Variants in HSD17B12 observed in about 807,000 individuals in gnomAD.
The protein encoded by HSD17B12 is hydroxysteroid 17-beta dehydrogenase 12.
HSD17B12 carries 32 observed loss-of-function variants against 39.3 expected under a neutral mutation model. The observed-to-expected ratio is 0.81, with a 90% confidence interval of 0.61 to 1.09. The LOEUF (loss-of-function observed/expected upper bound fraction) is 1.09, where lower values mean the gene tolerates loss of function less well. Ranked by LOEUF, HSD17B12 falls within the 50% of genes least tolerant of loss-of-function variation. HSD17B12 has a pLI of 0.00. For missense variants in HSD17B12, 342 were observed against 382.9 expected (o/e 0.89, Z 0.89); for synonymous variants, 150 against 146.7 (o/e 1.02, Z -0.16).
At chr11:43,769,863 C>A (rs944103383) in intron 3 of HSD17B12, among the ~76,000 whole-genome samples, 1 of 152,324 alleles carries the variant, frequency 6.6e-6, no homozygotes, top group African/African-American at 2.4e-5. Context: ...TTGCTTTGAT[C>A]AGTTTTGTAA....
In HSD17B12 at chr11:43,758,782, A is replaced by G. The variant is rs545046105; in HGVS notation, c.283+4661A>G. Among the ~76,000 whole-genome samples, 14 of 152,262 alleles carry G rather than the reference A, an allele frequency of 9.2e-5. 1 individual carries two copies. Among genetic ancestry groups the G allele is most frequent in the Middle Eastern group, 3.4e-3 (1 of 294 alleles). On this transcript the variant is annotated intron_variant, in intron 3 of 10. Transcript: ENST00000278353. ...AAATGTAGCCACCATTTGGTCCCTC[A>G]AGGCACTTCTCCAGTGGGTACTTCA...
chr11:43,776,643 C>A (rs889637376), intron 3 of HSD17B12, among the ~76,000 whole-genome samples: 14 of 152,148 alleles, frequency 9.2e-5, no homozygotes, highest in Non-Finnish European at 1.2e-4. Flanking sequence ...GCTTTTATTG[C>A]CATTGCTTTT....
At chr11:43,734,359 T>G in intron 1 of HSD17B12, 1 of 943,226 alleles carries the variant, frequency 1.1e-6, no homozygotes, top group Non-Finnish European at 1.7e-6. Flanking sequence ...TGGAAAAGGC[T>G]GAGCAGAGGA....
At chr11:43,800,746 G>A (rs1310904840) in intron 4 of HSD17B12, among the ~76,000 whole-genome samples, 3 of 152,116 alleles carry the variant, frequency 2.0e-5, no homozygotes, top group East Asian at 3.9e-4. Context: ...TGATAGCCTA[G>A]TTCCTTAGTA....
chr11:43,594,579 C>G, the HSD17B12 span, among the ~76,000 whole-genome samples: 1 of 146,520 alleles, frequency 6.8e-6, no homozygotes, highest in African/African-American at 2.5e-5. Flanking sequence ...CAACATTGAT[C>G]TCAAAGCTGT....
At chr11:43,791,922 C>G (rs1950871285) in intron 3 of HSD17B12, among the ~76,000 whole-genome samples, 1 of 152,156 alleles carries the variant, frequency 6.6e-6, no homozygotes, top group Non-Finnish European at 1.5e-5. Context: ...GAAAATGGGT[C>G]TCTTCATATG....
chr11:43,685,188 A>G (rs1259151301), intron 1 of HSD17B12, among the ~76,000 whole-genome samples: 2 of 152,210 alleles, frequency 1.3e-5, no homozygotes, highest in African/African-American at 2.4e-5. Context: ...TTGGCTTTGC[A>G]GTATTCCAAG....
chr11:43,672,583 T>C, the HSD17B12 span, among the ~76,000 whole-genome samples: 1 of 152,214 alleles, frequency 6.6e-6, no homozygotes, highest in African/African-American at 2.4e-5. Flanking sequence ...AGTCTCACTC[T>C]GTTGCCCAGG....
chr11:43,668,150 C>T, the HSD17B12 span, among the ~76,000 whole-genome samples: 2 of 152,312 alleles, frequency 1.3e-5, no homozygotes, highest in East Asian at 1.9e-4. Flanking sequence ...AATCATCTTA[C>T]AATTCTATAG....
the HSD17B12 span, among the ~76,000 whole-genome samples, chr11:43,649,624 C>G: frequency 6.6e-6 from 1 of 152,168 alleles, no homozygotes; most frequent in East Asian, 1.9e-4. Flanking sequence ...CCAAAGGTGG[C>G]CACAACTGTG....
At chr11:43,767,034 G>A (rs1015881513) in intron 3 of HSD17B12, among the ~76,000 whole-genome samples, 5 of 152,306 alleles carry the variant, frequency 3.3e-5, no homozygotes, top group African/African-American at 9.6e-5. Context: ...AATTAAGGCA[G>A]CTGCTTGAAT....
chr11:43,704,419 A>G (rs987771615), intron 1 of HSD17B12, among the ~76,000 whole-genome samples: 7 of 152,170 alleles, frequency 4.6e-5, no homozygotes, highest in Non-Finnish European at 8.8e-5. Flanking sequence ...TAAAGTATGA[A>G]TTAATCTCTT....
intron 3 of HSD17B12, among the ~76,000 whole-genome samples, chr11:43,766,467 T>C (rs553026502): frequency 2.0e-4 from 30 of 152,330 alleles, no homozygotes; most frequent in Admixed American, 1.1e-3. Context: ...TGTCCAGTTT[T>C]TTAGTTTAAG....
At chr11:43,648,464 A>G in the HSD17B12 span, among the ~76,000 whole-genome samples, 1 of 152,030 alleles carries the variant, frequency 6.6e-6, no homozygotes, top group Non-Finnish European at 1.5e-5. Context: ...TTTTTCTGTT[A>G]TTAACAGTCT....
At chr11:43,775,070 T>C (rs11037621) in intron 3 of HSD17B12, among the ~76,000 whole-genome samples, 3,011 of 152,122 alleles carry the variant, frequency 0.02, 84 homozygotes, top group African/African-American at 0.054. Context: ...TATTTTGACC[T>C]TGAAGAAGTA....
At chr11:43,779,751 C>A (rs565969094) in intron 3 of HSD17B12, among the ~76,000 whole-genome samples, 2 of 152,104 alleles carry the variant, frequency 1.3e-5, no homozygotes, top group Non-Finnish European at 2.9e-5. Flanking sequence ...TTTAATGGGC[C>A]AAAATGAGAA....
the HSD17B12 span, among the ~76,000 whole-genome samples, chr11:43,630,690 G>T: frequency 6.6e-6 from 1 of 152,120 alleles, no homozygotes; most frequent in African/African-American, 2.4e-5. Flanking sequence ...TGGTAATGAA[G>T]GGTACAAAAG....
chr11:43,749,957 T>C (rs1296346614), intron 1 of HSD17B12, among the ~76,000 whole-genome samples: 1 of 152,154 alleles, frequency 6.6e-6, no homozygotes, highest in Non-Finnish European at 1.5e-5. Flanking sequence ...TAAGATATCA[T>C]GGTATAGCCT....
chr11:43,744,853 T>G (rs1458071180), intron 1 of HSD17B12, among the ~76,000 whole-genome samples: 3 of 152,228 alleles, frequency 2.0e-5, no homozygotes, highest in Admixed American at 2.0e-4. Flanking sequence ...GCTGATACCA[T>G]TGGCCCTGAA....
Sources: allele counts gnomAD v4.1 joint callset (sites outside exome capture counted in the v4.1 genomes callset), GRCh38; gene constraint gnomAD v4.1.1; transcripts MANE v1.5; gene names NCBI Gene and HGNC (gene_info 2026-07-23, HGNC 2026-07-21).